Variants in JAKMIP3 observed in about 807,000 individuals in gnomAD.
The protein encoded by JAKMIP3 is Janus kinase and microtubule interacting protein 3.
Under a neutral mutation model 118.5 loss-of-function variants are expected in JAKMIP3, and 58 were observed. The ratio of observed to expected loss-of-function variants is 0.49; its 90% CI spans 0.40 to 0.61. The LOEUF (loss-of-function observed/expected upper bound fraction) is 0.61, where lower values mean the gene tolerates loss of function less well. JAKMIP3 is among the 20% of genes least tolerant of loss of function. The pLI is 0.00. For missense variants in JAKMIP3, 950 were observed against 1,109.0 expected (o/e 0.86, Z 2.04); for synonymous variants, 486 against 451.2 (o/e 1.08, Z -0.98).
Position 132,180,786 on chromosome 10 carries a change from C to T in JAKMIP3, c.*1104-1571C>T, listed in dbSNP as rs371022236. Among the ~76,000 whole-genome samples, 132 of 21,048 alleles carry T rather than the reference C, an allele frequency of 6.3e-3. 21 individuals are homozygous for T. The highest frequency in any genetic ancestry group is 0.03 in the South Asian group (17 of 572). 13.8% of individuals were successfully genotyped at this position (21,048 alleles called of 152,430 possible). A position where few individuals can be genotyped will look rare whatever the true frequency, so the allele number is the denominator to read the frequency against. On this transcript the variant is annotated intron_variant, in intron 23 of 23. Transcript: ENST00000684848. Reference sequence around the variant, plus strand: ...GTGTGTGTGCGTGTGTGTGTGTGCGCGTATGCATGTGCTGTGAGTGGTGTG... The same window carrying T: ...GTGTGTGTGCGTGTGTGTGTGTGCGTGTATGCATGTGCTGTGAGTGGTGTG...
intron 3 of JAKMIP3, among the ~76,000 whole-genome samples, chr10:132,122,146 C>T (rs773163380): frequency 6.6e-5 from 10 of 152,224 alleles, no homozygotes; most frequent in African/African-American, 2.4e-4. Flanking sequence ...CCCCTGTCCC[C>T]GCAAAGGCCC....
chr10:132,105,562 G>C (rs1483911023), intron 2 of JAKMIP3, among the ~76,000 whole-genome samples: 1 of 151,574 alleles, frequency 6.6e-6, no homozygotes, highest in Non-Finnish European at 1.5e-5. Flanking sequence ...TGAAGCAGGG[G>C]GAGGGGCTGA....
intron 4 of JAKMIP3, among the ~76,000 whole-genome samples, chr10:132,134,313 G>A (rs1288487172): frequency 6.6e-6 from 1 of 152,162 alleles, no homozygotes; most frequent in African/African-American, 2.4e-5. Flanking sequence ...TGTGAGCTGA[G>A]CCGGTCCTAG....
At chr10:132,139,064 G>GTGTA (rs1478415401) in intron 9 of JAKMIP3, among the ~76,000 whole-genome samples, 3 of 151,132 alleles carry the variant, frequency 2.0e-5, no homozygotes, top group Non-Finnish European at 3.0e-5. Context: ...GTGTGTGTGT[G>GTGTA]TGTGTATGTG....
At chr10:132,148,160 A>ACATGAC in intron 14 of JAKMIP3, 110 bp downstream of exon 14, 1 of 685,784 alleles carries the variant, frequency 1.5e-6, no homozygotes, top group Non-Finnish European at 2.5e-6. Flanking sequence ...ATGAACATGA[A>ACATGAC]CCCAAAAGGC....
chr10:132,097,940 T>C (rs115634251), intron 1 of JAKMIP3, among the ~76,000 whole-genome samples: 895 of 35,308 alleles, frequency 0.025, 139 homozygotes, highest in East Asian at 0.048. Flanking sequence ...CCTTCCCCTT[T>C]CCCTTTCCCA....
chr10:132,132,828 A>C (rs999089757), intron 3 of JAKMIP3, among the ~76,000 whole-genome samples: 1 of 152,114 alleles, frequency 6.6e-6, no homozygotes, highest in Non-Finnish European at 1.5e-5. Context: ...ACTGGCTTTC[A>C]GGCCAGAATT....
At chr10:132,172,989 CTCTCTCCT>C (rs1369758981) in intron 23 of JAKMIP3, among the ~76,000 whole-genome samples, 14 of 79,926 alleles carry the variant, frequency 1.8e-4, no homozygotes, top group South Asian at 4.6e-4. Context: ...CCCTCTCTCT[CTCTCTCCT>C]TCCCTCTCTC....
chr10:132,169,013 C>T lies in JAKMIP3; in HGVS notation c.*1083C>T, dbSNP rs1014924648. The stretch of plus-strand genomic sequence containing the variant: ...CCCTGTGTGGGGACGCTGCACGAGC[C>T]GTGGACCAAGAGGCTGACAGGTAAG... On this transcript the variant is annotated 3_prime_UTR_variant, in exon 23 of 24. Transcript: ENST00000684848. The T allele has an allele frequency of 5.8e-5, 9 of 155,194 alleles. No individual in the cohort carries two copies. Among genetic ancestry groups the T allele is most frequent in the East Asian group, 1.9e-4 (1 of 5,190 alleles). 9.6% of individuals were successfully genotyped at this position (155,194 alleles called of 1,614,324 possible).
At chr10:132,120,094 A>G (rs2135407896) in intron 3 of JAKMIP3, among the ~76,000 whole-genome samples, 1 of 152,352 alleles carries the variant, frequency 6.6e-6, no homozygotes, top group East Asian at 1.9e-4. Flanking sequence ...GGTCGTCCCC[A>G]GGGCCTCTGG....
chr10:132,106,701 T>A (rs1248246709), intron 2 of JAKMIP3, among the ~76,000 whole-genome samples: 3 of 152,178 alleles, frequency 2.0e-5, no homozygotes, highest in African/African-American at 7.2e-5. Context: ...GAGCACAAGG[T>A]CAGGGTGCTA....
intron 23 of JAKMIP3, among the ~76,000 whole-genome samples, chr10:132,180,630 T>TGCGC (rs1356578436): frequency 2.7e-5 from 1 of 37,106 alleles, no homozygotes; most frequent in Non-Finnish European, 4.6e-5. Flanking sequence ...TGTGTGCGTG[T>TGCGC]GTGCGTGCGT....
At chr10:132,153,134 G>A (rs2056524546) in intron 17 of JAKMIP3, 111 bp downstream of exon 17, 1 of 834,810 alleles carries the variant, frequency 1.2e-6, no homozygotes. Context: ...GCCGGGTTTG[G>A]GGGGTCCACT....
At chr10:132,120,935 G>A (rs1424497815) in intron 3 of JAKMIP3, among the ~76,000 whole-genome samples, 12 of 152,200 alleles carry the variant, frequency 7.9e-5, no homozygotes, top group Non-Finnish European at 1.3e-4. Flanking sequence ...GTGGCCGCTC[G>A]AGCTGCGGGG....
At chr10:132,054,368 C>T (rs77893632) in intron 1 of JAKMIP3, among the ~76,000 whole-genome samples, 5,393 of 152,200 alleles carry the variant, frequency 0.035, 275 homozygotes, top group East Asian at 0.24. Flanking sequence ...AGGAAGACCA[C>T]CAAGAAGCTT....
intron 8 of JAKMIP3, 143 bp downstream of exon 8, chr10:132,137,432 C>T (rs2052032176): frequency 9.8e-7 from 1 of 1,025,412 alleles, no homozygotes; most frequent in South Asian, 1.5e-5. Flanking sequence ...GTTGCAGTGC[C>T]ACCTGGCCAA....
chr10:132,094,687 G>T lies in JAKMIP3; in HGVS notation c.-137-9985G>T, dbSNP rs112636078. Among the ~76,000 whole-genome samples the T allele has an allele frequency of 2.7e-3, 409 of 152,290 alleles. 4 individuals carry two copies. Among genetic ancestry groups the T allele is most frequent in the African/African-American group, 9.2e-3 (383 of 41,562 alleles). Reference sequence around the variant, plus strand: ...ATGCACTTAGCTTTGGTGGTCTAATGCTGTATTTTTGTGCCGGTTGGCCTC... The same window carrying T: ...ATGCACTTAGCTTTGGTGGTCTAATTCTGTATTTTTGTGCCGGTTGGCCTC... On this transcript the variant is annotated intron_variant, in intron 1 of 23. Transcript: ENST00000684848.
chr10:132,070,243 G>A (rs2039622889), intron 1 of JAKMIP3, among the ~76,000 whole-genome samples: 1 of 152,038 alleles, frequency 6.6e-6, no homozygotes, highest in East Asian at 1.9e-4. Flanking sequence ...TGCCTCCTTG[G>A]TTCAAGAAAT....
At chr10:132,085,105 T>TC (rs1424238849) in intron 1 of JAKMIP3, among the ~76,000 whole-genome samples, 4 of 151,808 alleles carry the variant, frequency 2.6e-5, no homozygotes, top group Non-Finnish European at 4.4e-5. Context: ...TTAGAGAGGA[T>TC]TCTCTCTTTC....
Sources: gnomAD v4.1 joint callset for allele counts (sites outside exome capture counted in the v4.1 genomes callset) on GRCh38, gnomAD v4.1.1 for gene constraint, MANE v1.5 for transcripts, NCBI Gene and HGNC (gene_info 2026-07-23, HGNC 2026-07-21) for gene names.